ACVR1B: variants seen among roughly 807,000 people sequenced by gnomAD.
The protein encoded by ACVR1B is activin A receptor type 1B.
ACVR1B carries 15 observed loss-of-function variants against 55.6 expected under a neutral mutation model. The ratio of observed to expected loss-of-function variants is 0.27; its 90% CI spans 0.18 to 0.42. ACVR1B has a LOEUF of 0.42. ACVR1B is among the 10% of genes least tolerant of loss of function. ACVR1B has a pLI of 1.00. For synonymous variants in ACVR1B, 247 were observed against 254.6 expected (o/e 0.97, Z 0.28); for missense variants, 359 against 670.1 (o/e 0.54, Z 5.13).
intron 8 of ACVR1B, 59 bp from the exon 9 acceptor site, chr12:51,993,926 G>T: frequency 6.3e-7 from 1 of 1,599,802 alleles, no homozygotes. Context: ...GAGAGCCTAG[G>T]GACCAGAAAG....
intron 1 of ACVR1B, among the ~76,000 whole-genome samples, chr12:51,959,748 A>G (rs1941482035): frequency 6.6e-6 from 1 of 152,208 alleles, no homozygotes; most frequent in Admixed American, 6.5e-5. Context: ...CATCACTCAC[A>G]TATAAAAATA....
At chr12:51,953,416 C>A in intron 1 of ACVR1B, 2 of 985,406 alleles carry the variant, frequency 2.0e-6, no homozygotes, top group Non-Finnish European at 2.4e-6. Flanking sequence ...TGTTCTTCGG[C>A]CTCACTGCTC....
intron 1 of ACVR1B, among the ~76,000 whole-genome samples, chr12:51,959,647 A>C (rs978741845): frequency 6.6e-6 from 1 of 152,354 alleles, no homozygotes; most frequent in African/African-American, 2.4e-5. Context: ...TCAAATGGTG[A>C]TGGTGAAAAT....
Position 51,975,524 on chromosome 12 carries a change from G to C in ACVR1B, c.331+20G>C, listed in dbSNP as rs374726820. On this transcript the variant is annotated intron_variant, in intron 2 of 8. Coordinates refer to ENST00000257963, the MANE Select transcript of ACVR1B (RefSeq NM_004302.5). ...CCAGTGGTGAGTGCATGCCCTTGTT[G>C]GGCTAGTGGCTCAGCTTGGAGATAG... is the stretch of plus-strand genomic sequence containing the variant. The C allele has an allele frequency of 6.3e-7, 1 of 1,599,106 alleles. No individual in the cohort carries two copies. Among genetic ancestry groups the C allele is most frequent in the African/African-American group, 1.3e-5 (1 of 74,666 alleles).
At chr12:51,975,015 G>A (rs1012537850) in intron 1 of ACVR1B, among the ~76,000 whole-genome samples, 4 of 152,162 alleles carry the variant, frequency 2.6e-5, no homozygotes, top group Non-Finnish European at 5.9e-5. Flanking sequence ...TTGAAGAAAA[G>A]GTAGTTCCTC....
In ACVR1B at chr12:51,980,194, C is replaced by T. The variant is rs1312292113; in HGVS notation, c.581-775C>T. On this transcript the variant is annotated intron_variant, in intron 3 of 8. Coordinates refer to ENST00000257963, the MANE Select transcript of ACVR1B (RefSeq NM_004302.5). The stretch of plus-strand genomic sequence containing the variant: ...GAAGTGAGATAATTTATGTAAAGCC[C>T]TTAGCATGGAGCCTAATACATAGTA... Among the ~76,000 whole-genome samples, 104 of 152,108 alleles carry T rather than the reference C, an allele frequency of 6.8e-4. 1 individual carries two copies. Among genetic ancestry groups the T allele is most frequent in the Non-Finnish European group, 5.9e-5 (4 of 68,022 alleles).
intron 1 of ACVR1B, among the ~76,000 whole-genome samples, chr12:51,963,312 T>A (rs1004084113): frequency 1.3e-5 from 2 of 152,194 alleles, no homozygotes; most frequent in Admixed American, 6.5e-5. Context: ...TAGCATGATC[T>A]CGGCTCATTG....
intron 1 of ACVR1B, among the ~76,000 whole-genome samples, chr12:51,974,276 A>C (rs1359076386): frequency 6.6e-6 from 1 of 152,218 alleles, no homozygotes; most frequent in Non-Finnish European, 1.5e-5. Context: ...GAGCTAGGTT[A>C]GTCTCATGGG....
chr12:51,952,492 T>A (rs1941321118), intron 1 of ACVR1B, among the ~76,000 whole-genome samples: 1 of 152,176 alleles, frequency 6.6e-6, no homozygotes, highest in African/African-American at 2.4e-5. Flanking sequence ...CCTCCGGCAC[T>A]CATGCCCCGT....
Position 51,992,303 on chromosome 12 carries a change from G to A in ACVR1B, c.1392+310G>A, listed in dbSNP as rs1196418732. On this transcript the variant is annotated intron_variant, in intron 8 of 8. Coordinates refer to ENST00000257963, the MANE Select transcript of ACVR1B (RefSeq NM_004302.5). The stretch of plus-strand genomic sequence containing the variant: ...GAAGATAGCTTGAGCTCAGAAGTTC[G>A]AGACAAACCTGGGCAATGTGGGGAG... 6 of 451,518 alleles carry A rather than the reference G, an allele frequency of 1.3e-5. No individual in the cohort carries two copies. The South Asian group carries it at 2.7e-4, about 20-fold the overall frequency. The allele number at this position is 451,518 out of a possible 1,614,324, so 28.0% of individuals were successfully genotyped here. A position where few individuals can be genotyped will look rare whatever the true frequency, so the allele number is the denominator to read the frequency against.
At chr12:51,993,527 G>A (rs1942234642) in intron 8 of ACVR1B, among the ~76,000 whole-genome samples, 1 of 152,054 alleles carries the variant, frequency 6.6e-6, no homozygotes, top group South Asian at 2.1e-4. Context: ...CACTTTGGGA[G>A]GCCGAGGTGG....
Position 51,992,241 on chromosome 12 carries a change from A to G in ACVR1B, c.1392+248A>G. On this transcript the variant is annotated intron_variant, in intron 8 of 8. Coordinates refer to ENST00000257963, the MANE Select transcript of ACVR1B (RefSeq NM_004302.5). ...GGCTTTGGGCCTGGTGTGGTGGCAT[A>G]GGCCTGTAATCGTAGCGCTTTGAGA... The G allele has an allele frequency of 7.4e-6, 4 of 543,464 alleles. No homozygotes were observed. The South Asian group carries it at 8.1e-5, about 11-fold the overall frequency. 33.7% of individuals were successfully genotyped at this position (543,464 alleles called of 1,614,324 possible).
intron 1 of ACVR1B, among the ~76,000 whole-genome samples, chr12:51,963,959 T>C (rs1189110492): frequency 6.6e-6 from 1 of 152,236 alleles, no homozygotes; most frequent in Non-Finnish European, 1.5e-5. Flanking sequence ...ATTAAATTTC[T>C]TTTTCATATT....
At chr12:51,982,736 GC>G (rs1565619710) in intron 4 of ACVR1B, 1 of 1,534,348 alleles carries the variant, frequency 6.5e-7, no homozygotes, top group South Asian at 1.2e-5. Context: ...GGTCTCTGCT[GC>G]CCCCAAGCTG....
At chr12:51,953,889 G>C (rs1941359700) in intron 1 of ACVR1B, among the ~76,000 whole-genome samples, 1 of 152,092 alleles carries the variant, frequency 6.6e-6, no homozygotes, top group South Asian at 2.1e-4. Context: ...TAGGGAGTTC[G>C]TTTCTTTTTT....
chr12:51,997,054 C>T lies in ACVR1B; in HGVS notation c.*2944C>T, dbSNP rs1324522497. ...ATGAGCCTGTCCAATTTCTGCTGTACATTATTAAAAGTTTTATTCACAGAG... is the reference window on the plus strand; with the variant it reads ...ATGAGCCTGTCCAATTTCTGCTGTATATTATTAAAAGTTTTATTCACAGAG... On this transcript the variant is annotated 3_prime_UTR_variant, in exon 9 of 9. Transcript: ENST00000257963. The T allele has an allele frequency of 5.2e-5, 8 of 152,556 alleles. No homozygotes were observed. Among genetic ancestry groups the T allele is most frequent in the Admixed American group, 5.2e-4 (8 of 15,258 alleles). 9.5% of individuals were successfully genotyped at this position (152,556 alleles called of 1,614,324 possible).
chr12:51,971,481 A>G (rs191286328), intron 1 of ACVR1B, among the ~76,000 whole-genome samples: 175 of 152,326 alleles, frequency 1.1e-3, no homozygotes, highest in African/African-American at 3.8e-3. Flanking sequence ...GCCTTGGAAT[A>G]AGGAGAGTTT....
At chr12:51,966,979 G>T (rs546282378) in intron 1 of ACVR1B, among the ~76,000 whole-genome samples, 84 of 152,126 alleles carry the variant, frequency 5.5e-4, no homozygotes, top group African/African-American at 2.0e-3. Context: ...AGTGGCTCAT[G>T]CCTGTAATCC....
intron 7 of ACVR1B, chr12:51,987,310 A>C: frequency 1.8e-6 from 1 of 548,336 alleles, no homozygotes; most frequent in South Asian, 2.7e-5. Flanking sequence ...GGTGGCTCCC[A>C]AGCCACATTC....
Sources: allele counts gnomAD v4.1 joint callset (sites outside exome capture counted in the v4.1 genomes callset), GRCh38; gene constraint gnomAD v4.1.1; transcripts MANE v1.5; gene names NCBI Gene and HGNC (gene_info 2026-07-23, HGNC 2026-07-21).